CAMTA1: variants seen among roughly 807,000 people sequenced by gnomAD.
The protein encoded by CAMTA1 is calmodulin binding transcription activator 1.
In CAMTA1, 27 loss-of-function variants were observed where a neutral mutation model predicts 170.9. The observed-to-expected ratio is 0.16, with a 90% CI of 0.12 to 0.22. The LOEUF is 0.22. Among genes scored for constraint, CAMTA1 ranks in the 10% least tolerant of loss-of-function variants. The pLI, the probability that CAMTA1 is intolerant of heterozygous loss-of-function variation, is 1.00. For synonymous variants in CAMTA1, 833 were observed against 891.5 expected (o/e 0.93, Z 1.17); for missense variants, 1,619 against 2,217.2 (o/e 0.73, Z 5.42).
rs1438751567 is a variant in CAMTA1 at position 7,609,323 on chromosome 1, A to T, written c.511-31077A>T. Among the ~76,000 whole-genome samples, 1 of 152,130 alleles carries T rather than the reference A, an allele frequency of 6.6e-6. No individual in the cohort carries two copies. Among genetic ancestry groups the T allele is most frequent in the Non-Finnish European group, 1.5e-5 (1 of 68,022 alleles). The stretch of plus-strand genomic sequence containing the variant: ...ATCGGCTGTTCTGTCATCAGACATC[A>T]TGTTTACCCATCAGACGCTGTTTTC... On this transcript the variant is annotated intron_variant, in intron 6 of 22. Coordinates refer to ENST00000303635, the MANE Select transcript of CAMTA1 (RefSeq NM_015215.4). The surrounding 1 kb of genome is among the most constrained non-coding windows in gnomAD (Gnocchi z 4.4).
chr1:7,154,270 C>G (rs1646741035), intron 4 of CAMTA1, among the ~76,000 whole-genome samples: 1 of 151,998 alleles, frequency 6.6e-6, no homozygotes, highest in African/African-American at 2.4e-5. Flanking sequence ...CCCGAGACTC[C>G]CGTCTGTAGG....
At chr1:7,341,836 G>A (rs2083856224) in intron 5 of CAMTA1, among the ~76,000 whole-genome samples, 1 of 152,176 alleles carries the variant, frequency 6.6e-6, no homozygotes, top group East Asian at 1.9e-4. Context: ...TTTCAGAAGG[G>A]GCTCCAGGAG....
rs74051039 is a variant in CAMTA1, at chr1:6,895,910, T to C, written c.234+70700T>C. Reference sequence around the variant, plus strand: ...TCTTTTTCTTTTTGTCCTCAGCTCTTCCCCATCCTATTAGCTCTTTTAGGG... The same window carrying C: ...TCTTTTTCTTTTTGTCCTCAGCTCTCCCCCATCCTATTAGCTCTTTTAGGG... On this transcript the variant is annotated intron_variant, in intron 3 of 22. Coordinates refer to ENST00000303635, the MANE Select transcript of CAMTA1 (RefSeq NM_015215.4). Among the ~76,000 whole-genome samples, 398 of 152,306 alleles carry C rather than the reference T, an allele frequency of 2.6e-3. 1 individual carries two copies. Among genetic ancestry groups the C allele is most frequent in the African/African-American group, 9.3e-3 (385 of 41,584 alleles).
At chr1:7,161,721 A>T (rs921003979) in intron 4 of CAMTA1, among the ~76,000 whole-genome samples, 2 of 152,132 alleles carry the variant, frequency 1.3e-5, no homozygotes, top group Admixed American at 6.5e-5. Context: ...TAAATTGCCC[A>T]GTCTTGGGTA....
chr1:6,915,222 AAAG>A (rs1680535864), intron 3 of CAMTA1, among the ~76,000 whole-genome samples: 1 of 152,246 alleles, frequency 6.6e-6, no homozygotes, highest in Admixed American at 6.5e-5. Context: ...TTTCATTAAA[AAAG>A]AAAAGCATAT....
chr1:7,458,106 C>T (rs925866073), intron 5 of CAMTA1, among the ~76,000 whole-genome samples: 2 of 152,172 alleles, frequency 1.3e-5, no homozygotes, highest in African/African-American at 2.4e-5. Flanking sequence ...AGCTTTTTGA[C>T]GTTTGCTGCC....
rs966389816 is a variant in CAMTA1 at position 7,216,502 on chromosome 1, TTTCC to T, written c.303-32974_303-32971del. 2.0e-5 allele frequency among the ~76,000 whole-genome samples: 3 copies of T among 152,098 alleles called. No homozygotes were observed. Among genetic ancestry groups the T allele is most frequent in the African/African-American group, 4.8e-5 (2 of 41,416 alleles). On this transcript the variant is annotated intron_variant, in intron 4 of 22. Transcript: ENST00000303635. The surrounding 1 kb of genome is among the most constrained non-coding windows in gnomAD (Gnocchi z 4.0). ...ATTTCCTACAGTTTCTTTCTTTCAT[TTTCC>T]TTCCTTCCTTCCTTTCTTTCTTTCG...
intron 3 of CAMTA1, among the ~76,000 whole-genome samples, chr1:7,015,618 G>A (rs1700422695): frequency 6.6e-6 from 1 of 152,234 alleles, no homozygotes; most frequent in Non-Finnish European, 1.5e-5. Flanking sequence ...CACAAGTAAG[G>A]GACAGGGCAG....
chr1:6,893,879 C>T (rs1345818295), intron 3 of CAMTA1, among the ~76,000 whole-genome samples: 1 of 152,162 alleles, frequency 6.6e-6, no homozygotes, highest in East Asian at 1.9e-4. Context: ...AATATCAAGC[C>T]CACTCCTCAC....
chr1:7,474,797 TTGA>T (rs2093393491), intron 6 of CAMTA1, among the ~76,000 whole-genome samples: 1 of 152,230 alleles, frequency 6.6e-6, no homozygotes, highest in Non-Finnish European at 1.5e-5. Context: ...CCCAAGAGAC[TTGA>T]TGTCTATTTG....
rs1453370856 is a variant in CAMTA1, at chr1:7,767,768, A to G, written c.*1277A>G. The G allele has an allele frequency of 6.6e-6, 1 of 151,680 alleles. No homozygotes were observed. Among genetic ancestry groups the G allele is most frequent in the South Asian group, 2.1e-4 (1 of 4,778 alleles). 9.4% of individuals were successfully genotyped at this position (151,680 alleles called of 1,614,324 possible). Reference sequence around the variant, plus strand: ...ATGGTCTGTAAAATGAAACAAAAAAACTTTATTTCACTATAAGAGTACTTT... The same window carrying G: ...ATGGTCTGTAAAATGAAACAAAAAAGCTTTATTTCACTATAAGAGTACTTT... On this transcript the variant is annotated 3_prime_UTR_variant, in exon 23 of 23. Transcript: ENST00000303635.
In CAMTA1 at chr1:7,562,701, G is replaced by T. The variant is rs1167461937; in HGVS notation, c.511-77699G>T. ...GTTTATCTGACCCCGCAGCTGGCAC[G>T]GAGATGCTGGGAGAAGGGTCTGATA... On this transcript the variant is annotated intron_variant, in intron 6 of 22. Coordinates refer to ENST00000303635, the MANE Select transcript of CAMTA1 (RefSeq NM_015215.4). This position sits in a 1 kb window ranked among gnomAD's most constrained non-coding sequence, Gnocchi z 4.8. Among the ~76,000 whole-genome samples, 1 of 152,326 alleles carries T rather than the reference G, an allele frequency of 6.6e-6. No individual in the cohort carries two copies. The highest frequency in any genetic ancestry group is 2.1e-4 in the South Asian group (1 of 4,824).
intron 7 of CAMTA1, among the ~76,000 whole-genome samples, chr1:7,640,925 G>A (rs2095755753): frequency 6.6e-6 from 1 of 152,124 alleles, no homozygotes; most frequent in African/African-American, 2.4e-5. Context: ...TGGCGGGAGC[G>A]GACCCTGCCT....
intron 6 of CAMTA1, among the ~76,000 whole-genome samples, chr1:7,613,664 G>A (rs1231129170): frequency 6.6e-6 from 1 of 151,928 alleles, no homozygotes; most frequent in East Asian, 2.0e-4. Flanking sequence ...AGGAAAGCTC[G>A]TGATGAAGTG....
rs571368194 is a variant in CAMTA1, at chr1:7,653,979, G to A, written c.665-7747G>A. On this transcript the variant is annotated intron_variant, in intron 7 of 22. Coordinates refer to ENST00000303635, the MANE Select transcript of CAMTA1 (RefSeq NM_015215.4). ...CACGAGGGCCCCTTAGGACACAGGT[G>A]CTGGGCCCCATCCTGAGTCTGTGAT... Among the ~76,000 whole-genome samples the A allele has an allele frequency of 2.0e-5, 3 of 152,276 alleles. No homozygotes were observed. In the East Asian group the frequency reaches 5.8e-4, roughly 29 times the overall value.
intron 1 of CAMTA1, among the ~76,000 whole-genome samples, chr1:6,795,647 T>C (rs1402733255): frequency 1.3e-5 from 2 of 152,250 alleles, no homozygotes; most frequent in African/African-American, 4.8e-5. Flanking sequence ...TCCCTCATTC[T>C]GAGCAAGGAA....
Position 7,729,454 on chromosome 1 carries a change from C to T in CAMTA1, c.2915-2994C>T, listed in dbSNP as rs559632438. 3.3e-5 allele frequency among the ~76,000 whole-genome samples: 5 copies of T among 152,326 alleles called. No homozygotes were observed. The South Asian group carries it at 1.0e-3, about 32-fold the overall frequency. On this transcript the variant is annotated intron_variant, in intron 11 of 22. Transcript: ENST00000303635. ...AAGATTCTTAAAAAGCAACCTTCCT[C>T]TTGCTTTTGTGTTTTAGTAAAGTAA...
intron 3 of CAMTA1, among the ~76,000 whole-genome samples, chr1:6,929,240 T>C (rs1683923571): frequency 6.6e-6 from 1 of 152,180 alleles, no homozygotes; most frequent in African/African-American, 2.4e-5. Flanking sequence ...AGTGCAATGG[T>C]GCGATCTCGG....
intron 3 of CAMTA1, among the ~76,000 whole-genome samples, chr1:6,931,605 A>G (rs1684425459): frequency 6.6e-6 from 1 of 152,088 alleles, no homozygotes; most frequent in African/African-American, 2.4e-5. Flanking sequence ...CGACCCTGTG[A>G]TGTGGATATT....
Sources: gnomAD v4.1 joint callset for allele counts (sites outside exome capture counted in the v4.1 genomes callset) on GRCh38, gnomAD v4.1.1 for gene constraint, Gnocchi (gnomAD v3.1) non-coding constraint, MANE v1.5 for transcripts, NCBI Gene and HGNC (gene_info 2026-07-23, HGNC 2026-07-21) for gene names.